The following PSD3 variants were observed in gnomAD, a reference collection of about 807,000 sequenced individuals.
PSD3 encodes PH and SEC7 domain-containing protein 3.
A neutral mutation model predicts 105.5 loss-of-function variants in PSD3; 49 were observed. The ratio of observed to expected loss-of-function variants is 0.46; its 90% confidence interval spans 0.37 to 0.59. The LOEUF is 0.59. Ranked by LOEUF, PSD3 falls within the 20% of genes least tolerant of loss-of-function variation. The pLI, the probability that PSD3 is intolerant of heterozygous loss-of-function variation, is 0.00. For missense variants in PSD3, 1,561 were observed against 1,263.8 expected (o/e 1.24, Z -3.57); for synonymous variants, 557 against 457.8 (o/e 1.22, Z -2.77).
chr8:18,932,852 G>C (rs1389963064), intron 2 of PSD3, among the ~76,000 whole-genome samples: 1 of 152,118 alleles, frequency 6.6e-6, no homozygotes, highest in Non-Finnish European at 1.5e-5. Context: ...AATTTGAAAT[G>C]CTCTCCCCAC....
rs569554449 is a variant in PSD3, at chr8:18,902,413, T to C, written c.131-29680A>G. ...GAATTGTTTTCCTGACTTCATTAAA[T>C]TGTCTCTCTTTTCTGTTTTTCACTG... is the stretch of plus-strand genomic sequence containing the variant. On this transcript the variant is annotated intron_variant, in intron 2 of 15. Coordinates refer to ENST00000327040, the MANE Select transcript of PSD3 (RefSeq NM_015310.4). Among the ~76,000 whole-genome samples the C allele has an allele frequency of 1.8e-4, 27 of 152,368 alleles. 1 individual carries two copies. Among genetic ancestry groups the C allele is most frequent in the Middle Eastern group, 6.8e-3 (2 of 294 alleles).
At chr8:18,632,987 T>C (rs1807010282) in intron 10 of PSD3, among the ~76,000 whole-genome samples, 181 bp from the exon 11 acceptor site, 1 of 152,082 alleles carries the variant, frequency 6.6e-6, no homozygotes, top group South Asian at 2.1e-4. Context: ...TTAATGATCA[T>C]GGCAATATCT....
intron 4 of PSD3, among the ~76,000 whole-genome samples, chr8:18,806,622 C>T (rs962992676): frequency 5.9e-5 from 9 of 152,164 alleles, no homozygotes; most frequent in African/African-American, 2.2e-4. Context: ...GGCGTGCAGG[C>T]CACATATGGC....
intron 9 of PSD3, among the ~76,000 whole-genome samples, chr8:18,673,487 T>A (rs973715196): frequency 2.6e-5 from 4 of 152,176 alleles, no homozygotes; most frequent in Admixed American, 2.6e-4. Context: ...AGGCATTCCT[T>A]CGGTGCCATG....
chr8:18,699,894 G>A (rs1224684331), intron 9 of PSD3, among the ~76,000 whole-genome samples: 1 of 150,862 alleles, frequency 6.6e-6, no homozygotes, highest in Non-Finnish European at 1.5e-5. Context: ...AAATCAAGCT[G>A]CAGATTCCGC....
At chr8:18,740,153 C>G (rs998304774) in intron 9 of PSD3, among the ~76,000 whole-genome samples, 2 of 152,190 alleles carry the variant, frequency 1.3e-5, no homozygotes, top group Admixed American at 1.3e-4. Context: ...CCTAGCACGG[C>G]GTTGCTTTCC....
In PSD3 at chr8:18,676,215, T is replaced by A. The variant is rs1800055944; in HGVS notation, c.2173-20530A>T. Among the ~76,000 whole-genome samples the A allele has an allele frequency of 2.0e-5, 3 of 152,276 alleles. No homozygotes were observed. In the South Asian group the frequency reaches 6.2e-4, roughly 32 times the overall value. On this transcript the variant is annotated intron_variant, in intron 9 of 15. Transcript: ENST00000327040. The stretch of plus-strand genomic sequence containing the variant: ...GCATGGACCAGCATTTTCTCTACAA[T>A]GTTCAAATACTGCATGGAAGTTCTC...
chr8:18,582,816 C>CTTTTTT lies in PSD3; in HGVS notation c.2482-7537_2482-7532dup, dbSNP rs71217386. On this transcript the variant is annotated intron_variant, in intron 12 of 15. Coordinates refer to ENST00000327040, the MANE Select transcript of PSD3 (RefSeq NM_015310.4). ...TTCTCCAACCTGCAGCCACACTGAT[C>CTTTTTT]TTTTTTTTTTTTTTTTTTTTTTTTT... Among the ~76,000 whole-genome samples, 855 of 125,282 alleles carry CTTTTTT rather than the reference C, an allele frequency of 6.8e-3. 39 individuals are homozygous for CTTTTTT. The highest frequency in any genetic ancestry group is 0.011 in the Non-Finnish European group (671 of 61,370). The allele number at this position is 125,282 out of a possible 152,430, so 82.2% of individuals were successfully genotyped here. A position where few individuals can be genotyped will look rare whatever the true frequency, so the allele number is the denominator to read the frequency against.
intron 4 of PSD3, among the ~76,000 whole-genome samples, chr8:18,833,230 A>C (rs1490803023): frequency 1.3e-5 from 2 of 152,358 alleles, no homozygotes; most frequent in East Asian, 3.9e-4. Context: ...TATTTTAAAA[A>C]GCAAGGGACA....
chr8:19,050,616 C>T (rs921450614), intron 1 of PSD3, among the ~76,000 whole-genome samples: 1 of 152,166 alleles, frequency 6.6e-6, no homozygotes, highest in African/African-American at 2.4e-5. Context: ...TATTCTCACT[C>T]ATAGGTGGGA....
At chr8:18,971,940 G>T (rs901067761) in intron 1 of PSD3, among the ~76,000 whole-genome samples, 2 of 152,076 alleles carry the variant, frequency 1.3e-5, no homozygotes, top group Admixed American at 6.5e-5. Context: ...GGGAGGCAGA[G>T]GTTGCAGTGA....
intron 11 of PSD3, among the ~76,000 whole-genome samples, chr8:18,616,355 A>G (rs1289934451): frequency 6.6e-6 from 1 of 152,246 alleles, no homozygotes; most frequent in Non-Finnish European, 1.5e-5. Flanking sequence ...CCCTGCAAAC[A>G]GAAGTAGCTC....
At chr8:18,836,685 C>T (rs1456345245) in intron 4 of PSD3, among the ~76,000 whole-genome samples, 1 of 152,120 alleles carries the variant, frequency 6.6e-6, no homozygotes, top group African/African-American at 2.4e-5. Flanking sequence ...ATAGCCTACA[C>T]ACACCGTCTG....
intron 1 of PSD3, among the ~76,000 whole-genome samples, chr8:19,042,502 T>A (rs1353805028): frequency 6.6e-6 from 1 of 152,238 alleles, no homozygotes; most frequent in African/African-American, 2.4e-5. Flanking sequence ...AAAACTTACA[T>A]TTTCCACTAG....
intron 8 of PSD3, among the ~76,000 whole-genome samples, chr8:18,768,116 C>CAAAAAAAAA (rs774203727): frequency 1.2e-4 from 12 of 97,320 alleles, no homozygotes; most frequent in East Asian, 3.1e-4. Context: ...ACTGAAAATA[C>CAAAAAAAAA]AAAAAAAAAA....
At chr8:18,623,299 G>T (rs76665230) in intron 11 of PSD3, among the ~76,000 whole-genome samples, 5,324 of 151,360 alleles carry the variant, frequency 0.035, 92 homozygotes, top group East Asian at 0.064. Flanking sequence ...GCAATCAGAT[G>T]TTCTATTGAG....
chr8:18,907,468 C>G (rs148425093), intron 2 of PSD3, among the ~76,000 whole-genome samples: 41 of 152,274 alleles, frequency 2.7e-4, no homozygotes, highest in African/African-American at 9.9e-4. Context: ...AACCACTGCA[C>G]CTGGCCTTTT....
At chr8:18,537,655 A>G (rs1799914507) in intron 15 of PSD3, among the ~76,000 whole-genome samples, 1 of 147,748 alleles carries the variant, frequency 6.8e-6, no homozygotes, top group South Asian at 2.2e-4. Context: ...GACTTTAAGG[A>G]GAAGTCACTG....
At chr8:19,074,653 C>G (rs529101007) in intron 1 of PSD3, among the ~76,000 whole-genome samples, 1 of 111,296 alleles carries the variant, frequency 9.0e-6, no homozygotes, top group Admixed American at 1.3e-4. Flanking sequence ...TGGAGTCTCG[C>G]TCTGTGGCCC....
Sources: gnomAD v4.1 joint callset for allele counts (sites outside exome capture counted in the v4.1 genomes callset) on GRCh38, gnomAD v4.1.1 for gene constraint, MANE v1.5 for transcripts, NCBI Gene and HGNC (gene_info 2026-07-23, HGNC 2026-07-21) for gene names.